The following SPATS2 variants were observed in gnomAD, a reference collection of about 807,000 sequenced individuals.
The protein encoded by SPATS2 is spermatogenesis-associated serine-rich protein 2.
A neutral mutation model predicts 63.7 loss-of-function variants in SPATS2; 38 were observed. The ratio of observed to expected loss-of-function variants is 0.60; its 90% CI spans 0.46 to 0.78. The LOEUF (loss-of-function observed/expected upper bound fraction) is 0.78, where lower values mean the gene tolerates loss of function less well. Among genes scored for constraint, SPATS2 ranks in the 30% least tolerant of loss-of-function variants. The pLI is 0.00. For missense variants in SPATS2, 588 were observed against 666.2 expected (o/e 0.88, Z 1.29); for synonymous variants, 207 against 232.9 (o/e 0.89, Z 1.01).
intron 2 of SPATS2, among the ~76,000 whole-genome samples, chr12:49,412,751 T>TA (rs5798103): frequency 2.1e-4 from 31 of 146,610 alleles, no homozygotes; most frequent in Admixed American, 2.7e-4. Context: ...ACGCTCATTC[T>TA]AAAAAAAAAA....
At chr12:49,401,048 A>C (rs539725411) in intron 2 of SPATS2, among the ~76,000 whole-genome samples, 23 of 150,548 alleles carry the variant, frequency 1.5e-4, no homozygotes, top group South Asian at 1.3e-3. Context: ...AATTTTTTTG[A>C]TTTTTTTTTG....
At chr12:49,422,737 C>T (rs913176632) in intron 2 of SPATS2, among the ~76,000 whole-genome samples, 1 of 151,996 alleles carries the variant, frequency 6.6e-6, no homozygotes, top group Non-Finnish European at 1.5e-5. Flanking sequence ...CATTGTGAAA[C>T]CCCATCTCTA....
chr12:49,489,016 T>A (rs1256533908), intron 4 of SPATS2, among the ~76,000 whole-genome samples: 3 of 152,236 alleles, frequency 2.0e-5, no homozygotes, highest in Non-Finnish European at 2.9e-5. Flanking sequence ...TTAAATTGTT[T>A]GTATAAATTA....
chr12:49,489,244 T>A (rs1946345393), intron 4 of SPATS2, among the ~76,000 whole-genome samples: 1 of 152,238 alleles, frequency 6.6e-6, no homozygotes, highest in African/African-American at 2.4e-5. Context: ...TTTCTAGCAA[T>A]GTTCTGCATT....
intron 2 of SPATS2, among the ~76,000 whole-genome samples, chr12:49,391,251 C>CGCCTGTAATCCCAGCACTTTGGGA (rs1944413076): frequency 6.6e-6 from 1 of 152,170 alleles, no homozygotes; most frequent in Non-Finnish European, 1.5e-5. Context: ...CGGTGGCTCA[C>CGCCTGTAATCCCAGCACTTTGGGA]GCCTGTAATC....
intron 2 of SPATS2, among the ~76,000 whole-genome samples, chr12:49,404,710 T>C (rs1944664845): frequency 6.6e-6 from 1 of 152,186 alleles, no homozygotes; most frequent in South Asian, 2.1e-4. Flanking sequence ...AACCTTGTTT[T>C]ACCCAGGGGA....
intron 3 of SPATS2, chr12:49,462,709 G>A (rs1048545537): frequency 1.9e-6 from 1 of 518,520 alleles, no homozygotes; most frequent in African/African-American, 1.9e-5. Flanking sequence ...GGTTGGTGGG[G>A]TGCGGGTAGA....
intron 3 of SPATS2, among the ~76,000 whole-genome samples, chr12:49,471,101 T>C (rs1290671495): frequency 1.3e-5 from 2 of 152,216 alleles, no homozygotes; most frequent in East Asian, 3.8e-4. Flanking sequence ...GCTCTAGGTC[T>C]CCTCTTCCTT....
rs776843248 is a variant in SPATS2, at chr12:49,461,056, A to G, written c.25+19A>G. The G allele has an allele frequency of 6.2e-7, 1 of 1,613,240 alleles. No individual in the cohort carries two copies. Among genetic ancestry groups the G allele is most frequent in the South Asian group, 1.1e-5 (1 of 90,852 alleles). On this transcript the variant is annotated intron_variant, in intron 3 of 13. Coordinates refer to ENST00000552918, the MANE Select transcript of SPATS2 (RefSeq NM_023071.4). ...CAGAAGGGTAAGATTACATGTGGGC[A>G]TAAATTGTTAAAAGCATAGTTATAA...
At position 49,409,011 on chromosome 12, in the gene SPATS2, A is replaced by G. The variant is rs143310567; in HGVS notation, c.-244+37721A>G. 1.3e-3 allele frequency among the ~76,000 whole-genome samples: 189 copies of G among 150,458 alleles called. 1 individual carries two copies. Among genetic ancestry groups the G allele is most frequent in the African/African-American group, 4.5e-3 (182 of 40,520 alleles). On this transcript the variant is annotated intron_variant, in intron 2 of 13. Transcript: ENST00000552918. ...AATGAATGCATACAGCTTTCAGTCA[A>G]TTATGCTAAAGTTGGACAGATGGAA...
At chr12:49,409,431 G>A (rs1261179264) in intron 2 of SPATS2, among the ~76,000 whole-genome samples, 4 of 151,490 alleles carry the variant, frequency 2.6e-5, no homozygotes, top group Non-Finnish European at 5.9e-5. Context: ...TCAGCCTCCC[G>A]AGTAGTTGGG....
intron 4 of SPATS2, among the ~76,000 whole-genome samples, chr12:49,488,103 G>A (rs1431154957): frequency 2.6e-5 from 4 of 151,236 alleles, no homozygotes; most frequent in Non-Finnish European, 5.9e-5. Context: ...GCCATGCAAT[G>A]GCGCGATCTC....
chr12:49,481,303 T>C (rs1946201073), intron 3 of SPATS2, among the ~76,000 whole-genome samples: 1 of 151,862 alleles, frequency 6.6e-6, no homozygotes, highest in Non-Finnish European at 1.5e-5. Context: ...GAGGTTGTAG[T>C]GAGCCAAGAT....
At chr12:49,397,890 C>T (rs978907324) in intron 2 of SPATS2, among the ~76,000 whole-genome samples, 1 of 142,866 alleles carries the variant, frequency 7.0e-6, no homozygotes, top group African/African-American at 2.6e-5. Context: ...TGGCCCACAT[C>T]TGTAATCCCA....
intron 10 of SPATS2, among the ~76,000 whole-genome samples, chr12:49,516,756 A>G (rs1333837504): frequency 6.6e-6 from 1 of 152,058 alleles, no homozygotes; most frequent in Non-Finnish European, 1.5e-5. Context: ...TAGCGAGGCT[A>G]ATGTAACAAA....
At chr12:49,369,172 T>G (rs1943956630) in intron 1 of SPATS2, among the ~76,000 whole-genome samples, 1 of 151,360 alleles carries the variant, frequency 6.6e-6, no homozygotes, top group African/African-American at 2.4e-5. Flanking sequence ...GAATTACAGG[T>G]GCCCGCCAGC....
chr12:49,394,083 C>A (rs1944465429), intron 2 of SPATS2, among the ~76,000 whole-genome samples: 1 of 151,986 alleles, frequency 6.6e-6, no homozygotes, highest in African/African-American at 2.4e-5. Flanking sequence ...AGTGGTGGCC[C>A]ACACCTGTAA....
intron 12 of SPATS2, among the ~76,000 whole-genome samples, chr12:49,523,898 G>C (rs1352651130): frequency 6.6e-6 from 1 of 152,018 alleles, no homozygotes; most frequent in East Asian, 1.9e-4. Context: ...TTTGCAGTGA[G>C]CTGAGATTGT....
At chr12:49,479,912 T>G (rs1946178155) in intron 3 of SPATS2, among the ~76,000 whole-genome samples, 1 of 152,232 alleles carries the variant, frequency 6.6e-6, no homozygotes, top group African/African-American at 2.4e-5. Flanking sequence ...CTGGACTGCC[T>G]TTTTGATTCT....
Sources: gnomAD v4.1 joint callset for allele counts (sites outside exome capture counted in the v4.1 genomes callset) on GRCh38, gnomAD v4.1.1 for gene constraint, MANE v1.5 for transcripts, NCBI Gene and HGNC (gene_info 2026-07-23, HGNC 2026-07-21) for gene names.